Variants in DMD observed in about 807,000 individuals in gnomAD.
DMD encodes the protein dystrophin, also known as mutant dystrophin.
Under a neutral mutation model 330.1 loss-of-function variants are expected in DMD, and 63 were observed. That is an observed-to-expected ratio of 0.19 (90% CI 0.16 to 0.24). The LOEUF is 0.24. Ranked by LOEUF, DMD falls within the 10% of genes least tolerant of loss-of-function variation. DMD has a pLI of 1.00. For synonymous variants in DMD, 1,223 were observed against 959.8 expected, an observed-to-expected ratio of 1.27 and a Z score of -5.07; for missense variants, 3,344 against 2,684.1, an observed-to-expected ratio of 1.25 and a Z score of -5.43.
intron 16 of DMD, among the ~76,000 whole-genome samples, chrX:32,553,248 A>T (rs933536609): frequency 1.8e-5 from 2 of 111,647 alleles, no homozygotes; most frequent in African/African-American, 6.5e-5. Flanking sequence ...GAAAAAAGAG[A>T]TTGTGTTCTT....
intron 45 of DMD, among the ~76,000 whole-genome samples, chrX:31,955,170 C>T (rs2095232323): frequency 9.0e-6 from 1 of 111,061 alleles, no homozygotes; most frequent in Non-Finnish European, 1.9e-5. Flanking sequence ...AGCCAGAACC[C>T]CATCTCAAAA....
At chrX:32,951,290 T>C (rs1481743366) in intron 2 of DMD, among the ~76,000 whole-genome samples, 2 of 111,705 alleles carry the variant, frequency 1.8e-5, no homozygotes, top group African/African-American at 6.5e-5. Flanking sequence ...GATTCAGCTT[T>C]ATATTTGACA....
chrX:32,731,736 G>A (rs997881814), intron 7 of DMD, among the ~76,000 whole-genome samples: 2 of 111,907 alleles, frequency 1.8e-5, no homozygotes, highest in African/African-American at 6.5e-5. Context: ...AAACAGAAAG[G>A]ACATCCACAC....
intron 9 of DMD, among the ~76,000 whole-genome samples, chrX:32,677,540 GTTTC>G (rs1302464988): frequency 1.8e-5 from 2 of 111,311 alleles, no homozygotes; most frequent in African/African-American, 3.3e-5. Flanking sequence ...CTGGAATTTT[GTTTC>G]TTTCTACCTC....
chrX:32,307,443 T>C (rs1294029411), intron 42 of DMD, among the ~76,000 whole-genome samples: 4 of 111,657 alleles, frequency 3.6e-5, no homozygotes, highest in Non-Finnish European at 7.6e-5. Flanking sequence ...GAGCTTTGAT[T>C]ACTAGAGAGA....
chrX:31,497,012 A>G (rs2069933289), intron 56 of DMD, 68 bp from the exon 57 acceptor site: 1 of 1,120,412 alleles, frequency 8.9e-7, no homozygotes. Flanking sequence ...TAACAATTCC[A>G]TTGAAAAAGT....
intron 43 of DMD, among the ~76,000 whole-genome samples, chrX:32,264,438 A>G (rs745430256): frequency 5.0e-4 from 56 of 111,866 alleles, no homozygotes; most frequent in African/African-American, 1.7e-3. Flanking sequence ...CTATAAAGAA[A>G]CCCAAAAATG....
At chrX:31,657,712 G>A (rs1210930337) in intron 54 of DMD, among the ~76,000 whole-genome samples, 1 of 112,122 alleles carries the variant, frequency 8.9e-6, no homozygotes, top group African/African-American at 3.2e-5. Flanking sequence ...AAAGTAGACT[G>A]ATAAATGGCT....
At chrX:31,722,526 TA>T (rs2085646666) in intron 52 of DMD, among the ~76,000 whole-genome samples, 1 of 111,477 alleles carries the variant, frequency 9.0e-6, no homozygotes, top group Admixed American at 9.6e-5. Flanking sequence ...AATAAAAAGC[TA>T]AAGGGTTCAT....
chrX:32,054,155 A>G (rs1436996573), intron 44 of DMD, among the ~76,000 whole-genome samples: 1 of 106,168 alleles, frequency 9.4e-6, no homozygotes, highest in Non-Finnish European at 1.9e-5. Flanking sequence ...GAGGAACCAA[A>G]AAGAAAATAA....
chrX:31,703,320 C>T (rs1011375342), intron 52 of DMD, among the ~76,000 whole-genome samples: 2 of 112,413 alleles, frequency 1.8e-5, no homozygotes, highest in African/African-American at 6.5e-5. Flanking sequence ...TACAGCTACA[C>T]AGGAAGGAGC....
chrX:32,247,524 A>T (rs1193162625), intron 43 of DMD, among the ~76,000 whole-genome samples: 2 of 112,122 alleles, frequency 1.8e-5, no homozygotes, highest in Non-Finnish European at 3.8e-5. Context: ...CATTTGGTCA[A>T]ACTTTGTCCT....
At chrX:31,686,161 TAAAGTAA>T (rs1283175819) in intron 52 of DMD, among the ~76,000 whole-genome samples, 2 of 112,251 alleles carry the variant, frequency 1.8e-5, no homozygotes, top group Non-Finnish European at 3.8e-5. Flanking sequence ...AAAATAAAAA[TAAAGTAA>T]AAAGTAAAAA....
At chrX:33,134,504 G>T (rs1269442863) in intron 1 of DMD, among the ~76,000 whole-genome samples, 1 of 111,706 alleles carries the variant, frequency 9.0e-6, no homozygotes, top group Non-Finnish European at 1.9e-5. Context: ...GATTATCTGA[G>T]AATTTCCTAA....
intron 18 of DMD, among the ~76,000 whole-genome samples, chrX:32,507,849 G>A (rs1243822143): frequency 9.0e-6 from 1 of 111,310 alleles, no homozygotes; most frequent in Non-Finnish European, 1.9e-5. Context: ...CTGAGCATCA[G>A]TAAGATTAAA....
chrX:31,387,630 C>T (rs1170228349), intron 60 of DMD, among the ~76,000 whole-genome samples: 2 of 111,787 alleles, frequency 1.8e-5, no homozygotes, highest in African/African-American at 6.5e-5. Flanking sequence ...GAACTCCTGA[C>T]CTCAGGTGAT....
intron 1 of DMD, among the ~76,000 whole-genome samples, chrX:33,125,114 C>T (rs1204618396): frequency 9.7e-6 from 1 of 103,118 alleles, no homozygotes; most frequent in Non-Finnish European, 2.0e-5. Context: ...TAATAATTAT[C>T]AGTTGCTTTA....
chrX:32,651,063 T>C (rs2060117733), intron 9 of DMD, among the ~76,000 whole-genome samples: 1 of 111,862 alleles, frequency 8.9e-6, no homozygotes, highest in South Asian at 3.7e-4. Flanking sequence ...TTTATCCCAA[T>C]ATGATCAATC....
intron 41 of DMD, among the ~76,000 whole-genome samples, chrX:32,331,846 T>C (rs1239419651): frequency 8.9e-6 from 1 of 111,962 alleles, no homozygotes; most frequent in African/African-American, 3.2e-5. Context: ...GTAAATTTGC[T>C]TAAACTTACA....
Sources: allele counts gnomAD v4.1 joint callset (sites outside exome capture counted in the v4.1 genomes callset), GRCh38; gene constraint gnomAD v4.1.1; transcripts MANE v1.5; gene names NCBI Gene and HGNC (gene_info 2026-07-23, HGNC 2026-07-21).